KANSL1: variants seen among roughly 807,000 people sequenced by gnomAD.
KANSL1 encodes MLL1/MLL complex subunit KANSL1.
Under a neutral mutation model 103.6 loss-of-function variants are expected in KANSL1, and 22 were observed. The ratio of observed to expected loss-of-function variants is 0.21; its 90% confidence interval spans 0.15 to 0.30. The LOEUF (loss-of-function observed/expected upper bound fraction) is 0.30. Ranked by LOEUF, KANSL1 falls within the 10% of genes least tolerant of loss-of-function variation. The pLI, the probability that KANSL1 is intolerant of heterozygous loss-of-function variation, is 1.00. For missense variants in KANSL1, 1,337 were observed against 1,399.8 expected (o/e 0.96, Z 0.72); for synonymous variants, 600 against 527.6 (o/e 1.14, Z -1.88).
intron 3 of KANSL1, among the ~76,000 whole-genome samples, chr17:46,091,804 T>C (rs1386266103): frequency 6.6e-6 from 1 of 151,662 alleles, no homozygotes; most frequent in African/African-American, 2.4e-5. Context: ...TAAGTATGTA[T>C]ATATGTAAGT....
upstream of KANSL1, among the ~76,000 whole-genome samples, chr17:46,197,356 A>C (rs1280698283): frequency 6.6e-6 from 1 of 152,176 alleles, no homozygotes; most frequent in Non-Finnish European, 1.5e-5. Context: ...CTTGACAATA[A>C]TGTAGGCTGG....
At chr17:46,183,038 T>A (rs1450519455) in intron 1 of KANSL1, among the ~76,000 whole-genome samples, 3 of 152,230 alleles carry the variant, frequency 2.0e-5, no homozygotes, top group African/African-American at 7.2e-5. Context: ...CACTACTGTG[T>A]GATTTGGGGG....
In KANSL1 at chr17:46,050,627, G is replaced by T. The variant is rs764203426; in HGVS notation, c.1926C>A (p.Asn642Lys). 6 of 1,614,236 alleles carry T rather than the reference G, an allele frequency of 3.7e-6. No homozygotes were observed. The highest frequency in any genetic ancestry group is 4.5e-5 in the East Asian group (2 of 44,884). ...SCALCGSGSI[N>K]TMPPEIHYEA... ...CATAGTGAATTTCGGGAGGCATGGT[G>T]TTGATGCTGCCTGAACCACACAGTG... Residue 642 changes from asparagine to lysine, a missense_variant, in exon 7 of 15, where the codon AAC becomes AAA. Transcript: ENST00000432791.
chr17:46,067,072 T>C (rs1383190972), intron 5 of KANSL1, among the ~76,000 whole-genome samples: 1 of 152,226 alleles, frequency 6.6e-6, no homozygotes, highest in Admixed American at 6.5e-5. Flanking sequence ...TAGAAAATGA[T>C]GAATTTTGCA....
upstream of KANSL1, among the ~76,000 whole-genome samples, chr17:46,198,051 A>AT (rs1567796745): frequency 6.6e-6 from 1 of 152,138 alleles, no homozygotes; most frequent in African/African-American, 2.4e-5. Context: ...ACAGGGGCCC[A>AT]TTTTTTTGGT....
intron 6 of KANSL1, among the ~76,000 whole-genome samples, chr17:46,056,148 C>T (rs1054845751): frequency 2.6e-4 from 40 of 152,296 alleles, no homozygotes; most frequent in Admixed American, 2.4e-3. Flanking sequence ...CAGGCACCCA[C>T]CACCAAGCCT....
intron 6 of KANSL1, among the ~76,000 whole-genome samples, chr17:46,054,329 C>T (rs966910052): frequency 3.9e-5 from 6 of 152,228 alleles, no homozygotes; most frequent in African/African-American, 1.4e-4. Context: ...GCTGGGATTA[C>T]AGGCGTGAGC....
At chr17:46,172,455 CTT>C (rs559645332) in intron 1 of KANSL1, among the ~76,000 whole-genome samples, 4 of 152,156 alleles carry the variant, frequency 2.6e-5, no homozygotes, top group Non-Finnish European at 5.9e-5. Context: ...TTGCACCCTT[CTT>C]GTCATTTGTT....
intron 1 of KANSL1, among the ~76,000 whole-genome samples, chr17:46,185,956 T>C (rs1472355918): frequency 6.6e-6 from 1 of 151,876 alleles, no homozygotes; most frequent in Non-Finnish European, 1.5e-5. Flanking sequence ...TACCACTCTT[T>C]AGCTGACAAA....
At chr17:46,206,083 CAAA>C (rs71226716) in intron 1 of KANSL1, among the ~76,000 whole-genome samples, 4 of 89,594 alleles carry the variant, frequency 4.5e-5, no homozygotes, top group Non-Finnish European at 4.1e-5. Context: ...CTGTGTCCCC[CAAA>C]AAAAAAAAAA....
chr17:46,166,369 G>A (rs1056729475), intron 2 of KANSL1, among the ~76,000 whole-genome samples: 7 of 151,976 alleles, frequency 4.6e-5, no homozygotes, highest in South Asian at 2.1e-4. Context: ...AAAATTAGCC[G>A]GGCGTGGTGA....
At chr17:46,093,567 T>C (rs2079500381) in intron 3 of KANSL1, 1 of 152,618 alleles carries the variant, frequency 6.6e-6, no homozygotes, top group African/African-American at 2.4e-5. Flanking sequence ...TTTAAATGAT[T>C]AGATAGCCCA....
chr17:46,058,743 A>ACTCT (rs756932556), intron 6 of KANSL1, among the ~76,000 whole-genome samples: 26 of 68,024 alleles, frequency 3.8e-4, no homozygotes, highest in Non-Finnish European at 6.4e-4. Flanking sequence ...ACACACACAC[A>ACTCT]CTCTCTCTCT....
At position 46,031,661 on chromosome 17, in the gene KANSL1, T is replaced by G. The variant is rs1219725821; in HGVS notation, c.3133A>C (p.Ser1045Arg). ...TGGTCCTCACACTCCGCCTGGGGAC[T>G]GTGCGCCAGGGGGAAGGTCCGCCGC... ...WERRTFPLAH[S>R]PQAECEDQLD... The change falls in exon 15 of 15, where the codon AGT becomes CGT. Residue 1045 changes from serine to arginine, a missense_variant. Coordinates refer to ENST00000432791, the MANE Select transcript of KANSL1 (RefSeq NM_015443.4). 6.2e-7 allele frequency: 1 copy of G among 1,611,526 alleles called. No individual in the cohort carries two copies.
At chr17:46,031,737 G>A in intron 14 of KANSL1, 34 bp from the exon 15 acceptor site, 1 of 1,543,742 alleles carries the variant, frequency 6.5e-7, no homozygotes, top group Non-Finnish European at 8.8e-7. Flanking sequence ...TGAGGACCCA[G>A]TCCCAGCCAG....
chr17:46,057,094 G>C (rs1304629832), intron 6 of KANSL1, among the ~76,000 whole-genome samples: 2 of 152,032 alleles, frequency 1.3e-5, no homozygotes, highest in Non-Finnish European at 2.9e-5. Flanking sequence ...ATAAGACTCA[G>C]TAAAAAAGGA....
In KANSL1 at chr17:46,039,137, T is replaced by C; in HGVS notation, c.2282A>G (p.Glu761Gly). ...LDDVGAVPMVERVTAPKAERL... is the reference protein window; with the variant it reads ...LDDVGAVPMVGRVTAPKAERL... The stretch of plus-strand genomic sequence containing the variant: ...CTCTGCTTTTGGCGCTGTCACTCGC[T>C]CCACCATGGGCACGGCCCCCACATC... The change falls in exon 9 of 15, where the codon GAG becomes GGG. Residue 761 changes from glutamate (E) to glycine (G), a missense_variant. Physicochemically the swap from Glu to Gly is moderately conservative, Grantham distance 98. This residue lies in a region of KANSL1 where 780 missense variants were observed against 923.4 expected (regional missense o/e 0.84). Coordinates refer to ENST00000432791, the MANE Select transcript of KANSL1 (RefSeq NM_015443.4). 6.2e-7 allele frequency: 1 copy of C among 1,612,508 alleles called. No individual in the cohort carries two copies. The highest frequency in any genetic ancestry group is 8.5e-7 in the Non-Finnish European group (1 of 1,179,664).
intron 7 of KANSL1, among the ~76,000 whole-genome samples, chr17:46,049,209 CTCTTTATTTGTTGTCCCCACCATCCAAGA>C (rs2077620520): frequency 7.2e-6 from 1 of 138,098 alleles, no homozygotes; most frequent in Admixed American, 7.2e-5. Flanking sequence ...TAGAAATGAT[CTCTTTATTTGTTGTCCCCACCATCCAAGA>C]CCTTTTTTTT....
intron 2 of KANSL1, among the ~76,000 whole-genome samples, chr17:46,148,541 T>C (rs2044863987): frequency 6.6e-6 from 1 of 152,078 alleles, no homozygotes; most frequent in South Asian, 2.1e-4. Context: ...CTGAATGGCT[T>C]ACAATTAAAA....
Sources: allele counts gnomAD v4.1 joint callset (sites outside exome capture counted in the v4.1 genomes callset), GRCh38; gene constraint gnomAD v4.1.1; regional missense constraint gnomAD v4.1.1; transcripts MANE v1.5; gene names NCBI Gene and HGNC (gene_info 2026-07-23, HGNC 2026-07-21).